Variants in ZNF697 observed in about 807,000 individuals in gnomAD.
ZNF697 encodes zinc finger protein 697.
In ZNF697, 23 loss-of-function variants were observed where a neutral mutation model predicts 32.4. The ratio of observed to expected loss-of-function variants is 0.71; its 90% CI spans 0.51 to 1.01. The LOEUF is 1.01. Ranked by LOEUF, ZNF697 falls within the 50% of genes least tolerant of loss-of-function variation. ZNF697 has a pLI of 0.00. For missense variants in ZNF697, 930 were observed against 794.0 expected, an observed-to-expected ratio of 1.17 and a Z score of -2.06; for synonymous variants, 418 against 337.2, an observed-to-expected ratio of 1.24 and a Z score of -2.62.
In ZNF697 at chr1:119,623,002, C is replaced by A; in HGVS notation, c.1341G>T (p.Gly447=). The change falls in exon 3 of 3, where the codon GGG becomes GGT. Residue 447 remains glycine (G), a synonymous_variant. Transcript: ENST00000421812. The part of the protein sequence containing the change: ...YVCRECGKGF[G]RNSHLVNHLR... ...GGTGGTTCACCAGGTGCGAGTTACGCCCGAAGCCCTTCCCGCACTCGCGGC... is the reference window on the plus strand; with the variant it reads ...GGTGGTTCACCAGGTGCGAGTTACGACCGAAGCCCTTCCCGCACTCGCGGC... 6.3e-7 allele frequency: 1 copy of A among 1,590,372 alleles called. No individual in the cohort carries two copies. Among genetic ancestry groups the A allele is most frequent in the Non-Finnish European group, 8.6e-7 (1 of 1,166,654 alleles).
At chr1:119,628,482 C>T (rs1266792000) in intron 1 of ZNF697, among the ~76,000 whole-genome samples, 2 of 152,122 alleles carry the variant, frequency 1.3e-5, no homozygotes, top group African/African-American at 4.8e-5. Context: ...TTAGGGCTGA[C>T]GTATGAAAAG....
At chr1:119,643,874 G>T (rs1223702621) in intron 1 of ZNF697, among the ~76,000 whole-genome samples, 2 of 152,212 alleles carry the variant, frequency 1.3e-5, no homozygotes, top group Non-Finnish European at 2.9e-5. Flanking sequence ...TCTTTTGGAA[G>T]TTACATGAAA....
At chr1:119,624,812 C>G (rs1334785618) in intron 2 of ZNF697, among the ~76,000 whole-genome samples, 1 of 152,062 alleles carries the variant, frequency 6.6e-6, no homozygotes, top group Non-Finnish European at 1.5e-5. Context: ...GGGCTGGTCT[C>G]GATCTCCTGA....
chr1:119,636,590 G>A (rs1648929946), intron 1 of ZNF697, among the ~76,000 whole-genome samples: 1 of 152,130 alleles, frequency 6.6e-6, no homozygotes, highest in Non-Finnish European at 1.5e-5. Flanking sequence ...TATGGAGAGC[G>A]AGGGACCTAG....
At chr1:119,626,199 AGCC>A (rs1015001878) in intron 1 of ZNF697, 62 bp from the exon 2 acceptor site, 1 of 1,535,714 alleles carries the variant, frequency 6.5e-7, no homozygotes, top group African/African-American at 1.4e-5. Flanking sequence ...CACCACGCCC[AGCC>A]TTAATTTCCA....
chr1:119,642,407 C>A (rs2101096154), intron 1 of ZNF697, among the ~76,000 whole-genome samples: 1 of 152,134 alleles, frequency 6.6e-6, no homozygotes, highest in Middle Eastern at 3.4e-3. Flanking sequence ...TAAGTTGTAC[C>A]AAATGTATCA....
intron 1 of ZNF697, among the ~76,000 whole-genome samples, chr1:119,636,520 G>A (rs924307008): frequency 6.6e-6 from 1 of 152,102 alleles, no homozygotes; most frequent in African/African-American, 2.4e-5. Flanking sequence ...AGAAGATAAT[G>A]GCAGTAAGTC....
intron 1 of ZNF697, 81 bp from the exon 2 acceptor site, chr1:119,626,218 A>G (rs1648582851): frequency 6.7e-7 from 1 of 1,500,026 alleles, no homozygotes; most frequent in African/African-American, 1.4e-5. Context: ...TTCCAATTCT[A>G]ATAAAATGTA....
chr1:119,627,051 C>A (rs1056956018), intron 1 of ZNF697, among the ~76,000 whole-genome samples: 12 of 152,172 alleles, frequency 7.9e-5, no homozygotes, highest in South Asian at 4.2e-4. Flanking sequence ...TTTAAAGGGC[C>A]CCCTGCCAAG....
At chr1:119,636,735 C>T (rs1310133969) in intron 1 of ZNF697, among the ~76,000 whole-genome samples, 1 of 152,158 alleles carries the variant, frequency 6.6e-6, no homozygotes, top group African/African-American at 2.4e-5. Context: ...CAGACACGAG[C>T]CTAAATCACT....
At chr1:119,632,437 T>C (rs1278732954) in intron 1 of ZNF697, among the ~76,000 whole-genome samples, 2 of 152,330 alleles carry the variant, frequency 1.3e-5, no homozygotes, top group Non-Finnish European at 2.9e-5. Context: ...TAAAATAATA[T>C]GGTTTCTGCC....
chr1:119,636,391 C>G (rs1265620688), intron 1 of ZNF697, among the ~76,000 whole-genome samples: 2 of 150,142 alleles, frequency 1.3e-5, no homozygotes, highest in East Asian at 2.0e-4. Flanking sequence ...ACAAAGGACT[C>G]ATGATACATT....
In ZNF697 at chr1:119,623,417, C is replaced by T. The variant is rs370142765; in HGVS notation, c.926G>A (p.Arg309His). The part of the protein sequence containing the change: ...SWRADLLKHR[R>H]LHTGEKPYPC... ...GTAGGGCTTCTCGCCCGTGTGCAGG[C>T]GCCGGTGCTTGAGCAGGTCGGCGCG... Residue 309 changes from arginine to histidine, a missense_variant, in exon 3 of 3, where the codon CGC (arginine) becomes CAC (histidine). By Grantham distance (29) the Arg-to-His change is conservative. Transcript: ENST00000421812. The T allele has an allele frequency of 6.5e-6, 10 of 1,528,454 alleles. No homozygotes were observed. The highest frequency in any genetic ancestry group is 8.8e-6 in the Non-Finnish European group (10 of 1,139,230). 94.7% of individuals were successfully genotyped at this position (1,528,454 alleles called of 1,614,324 possible).
chr1:119,640,857 G>T (rs1476223349), intron 1 of ZNF697, among the ~76,000 whole-genome samples: 1 of 152,196 alleles, frequency 6.6e-6, no homozygotes, highest in Non-Finnish European at 1.5e-5. Flanking sequence ...CATTAAGAGT[G>T]GCTATTCAGA....
chr1:119,638,638 C>T (rs998583144), intron 1 of ZNF697, among the ~76,000 whole-genome samples: 1 of 152,154 alleles, frequency 6.6e-6, no homozygotes, highest in African/African-American at 2.4e-5. Context: ...TACATTTCTT[C>T]TCCCTCTCCC....
chr1:119,632,058 C>T lies in ZNF697; in HGVS notation c.-37-5921G>A, dbSNP rs116552814. On this transcript the variant is annotated intron_variant, in intron 1 of 2. Coordinates refer to ENST00000421812, the MANE Select transcript of ZNF697 (RefSeq NM_001080470.2). ...TCCAGGGGGTTAATCATTTGTCCAT[C>T]TTCAGCACCAACTGGGTAAAAAGTC... Among the ~76,000 whole-genome samples the T allele has an allele frequency of 3.8e-3, 585 of 152,266 alleles. 3 individuals are homozygous for T. Among genetic ancestry groups the T allele is most frequent in the African/African-American group, 0.013 (550 of 41,546 alleles).
At chr1:119,646,712 GAGA>G (rs1218642760) in intron 1 of ZNF697, among the ~76,000 whole-genome samples, 1 of 152,166 alleles carries the variant, frequency 6.6e-6, no homozygotes, top group African/African-American at 2.4e-5. Context: ...GGCTTGTTGA[GAGA>G]AGAAGGTAAA....
At chr1:119,638,674 C>A (rs1465015484) in intron 1 of ZNF697, among the ~76,000 whole-genome samples, 1 of 152,166 alleles carries the variant, frequency 6.6e-6, no homozygotes, top group African/African-American at 2.4e-5. Context: ...CTTCCTGTAG[C>A]TTTATACAGC....
At position 119,625,936 on chromosome 1, in the gene ZNF697, C is replaced by A. The variant is rs369741719; in HGVS notation, c.165G>T (p.Pro55=). 5.6e-6 allele frequency: 9 copies of A among 1,613,840 alleles called. No individual in the cohort carries two copies. Among genetic ancestry groups the A allele is most frequent in the Non-Finnish European group, 7.6e-6 (9 of 1,179,838 alleles). Residue 55 remains proline, a synonymous_variant, in exon 2 of 3, where the codon CCG becomes CCT. Transcript: ENST00000421812. ...DTNKREGHPE[P]EMGSNPQDSR... is the part of the protein sequence containing the mutation. ...AGTCCTGTGGGTTGGAGCCCATCTC[C>A]GGCTCCGGATGGCCTTCTCTCTTGT...
Sources: allele counts gnomAD v4.1 joint callset (sites outside exome capture counted in the v4.1 genomes callset), GRCh38; gene constraint gnomAD v4.1.1; transcripts MANE v1.5; gene names NCBI Gene and HGNC (gene_info 2026-07-23, HGNC 2026-07-21).